FBXO11: variants seen among roughly 807,000 people sequenced by gnomAD.
FBXO11 encodes the protein F-box protein 11, also known as F-box only protein 11.
In FBXO11, 13 loss-of-function variants were observed where a neutral mutation model predicts 117.0. That is an observed-to-expected ratio of 0.11 (90% confidence interval 0.07 to 0.18). The LOEUF (loss-of-function observed/expected upper bound fraction) is 0.18, where lower values mean the gene tolerates loss of function less well. FBXO11 is among the 10% of genes least tolerant of loss of function. The pLI is 1.00. For synonymous variants in FBXO11, 490 were observed against 380.5 expected (o/e 1.29, Z -3.35); for missense variants, 767 against 1,164.4 (o/e 0.66, Z 4.97).
At chr2:47,825,135 G>A (rs1456786425) in intron 11 of FBXO11, among the ~76,000 whole-genome samples, 1 of 151,996 alleles carries the variant, frequency 6.6e-6, no homozygotes, top group African/African-American at 2.4e-5. Context: ...GGGATATTCT[G>A]AATACTCTAG....
chr2:47,864,296 G>C (rs1176546633), intron 1 of FBXO11, among the ~76,000 whole-genome samples: 2 of 152,064 alleles, frequency 1.3e-5, no homozygotes, highest in African/African-American at 4.8e-5. Context: ...CATAATTAAA[G>C]ACAGGAATTG....
In FBXO11 at chr2:47,807,787, C is replaced by G. The variant is rs940974854; in HGVS notation, c.*331G>C. ...AAAGCTGCTTGTCTATTGAAGATTA[C>G]TACTGCAAATTGGACTGCATTCAAT... On this transcript the variant is annotated 3_prime_UTR_variant, in exon 23 of 23. Coordinates refer to ENST00000403359, the MANE Select transcript of FBXO11 (RefSeq NM_001190274.2). 7 of 261,742 alleles carry G rather than the reference C, an allele frequency of 2.7e-5. No homozygotes were observed. The highest frequency in any genetic ancestry group is 5.2e-5 in the Non-Finnish European group (7 of 135,130). The allele number at this position is 261,742 out of a possible 1,614,324, so 16.2% of individuals were successfully genotyped here. A position where few individuals can be genotyped will look rare whatever the true frequency, so the allele number is the denominator to read the frequency against.
chr2:47,887,214 G>A (rs1393342916), intron 1 of FBXO11, among the ~76,000 whole-genome samples: 1 of 151,888 alleles, frequency 6.6e-6, no homozygotes, highest in Non-Finnish European at 1.5e-5. Flanking sequence ...CAGCCCAGGA[G>A]GTGGAGGTTG....
chr2:47,825,540 T>C (rs1671685022), intron 11 of FBXO11, among the ~76,000 whole-genome samples: 2 of 151,386 alleles, frequency 1.3e-5, no homozygotes, highest in Non-Finnish European at 2.9e-5. Context: ...AAGAGTTGAA[T>C]GACATGTCTG....
chr2:47,820,312 C>T (rs777811159), intron 14 of FBXO11, 50 bp downstream of exon 14: 3 of 1,432,406 alleles, frequency 2.1e-6, no homozygotes, highest in East Asian at 2.3e-5. Flanking sequence ...ACCCTTTATC[C>T]CCCTGGTTTT....
intron 1 of FBXO11, among the ~76,000 whole-genome samples, chr2:47,844,423 G>C (rs1673249636): frequency 6.6e-6 from 1 of 152,106 alleles, no homozygotes; most frequent in Non-Finnish European, 1.5e-5. Context: ...TTTTGAAAAG[G>C]CCCAAGGCCA....
intron 1 of FBXO11, among the ~76,000 whole-genome samples, chr2:47,848,671 T>C (rs754616503): frequency 3.3e-5 from 5 of 152,232 alleles, no homozygotes; most frequent in Non-Finnish European, 5.9e-5. Context: ...TCACTATTAA[T>C]AGGAACCACA....
chr2:47,898,540 G>A (rs1172234646), intron 1 of FBXO11, among the ~76,000 whole-genome samples: 1 of 152,150 alleles, frequency 6.6e-6, no homozygotes, highest in Non-Finnish European at 1.5e-5. Context: ...TAATTCAGGG[G>A]AAATCTACCC....
chr2:47,849,739 G>C (rs1673710556), intron 1 of FBXO11, among the ~76,000 whole-genome samples: 1 of 152,190 alleles, frequency 6.6e-6, no homozygotes, highest in Non-Finnish European at 1.5e-5. Flanking sequence ...AGAAATGGAT[G>C]ACAACTGAGA....
intron 1 of FBXO11, among the ~76,000 whole-genome samples, chr2:47,886,816 C>T (rs1364088461): frequency 1.3e-5 from 2 of 151,972 alleles, no homozygotes; most frequent in Admixed American, 1.3e-4. Flanking sequence ...TTTATATACA[C>T]ATGCATTTAA....
At chr2:47,843,966 C>T (rs1673212145) in intron 1 of FBXO11, among the ~76,000 whole-genome samples, 1 of 152,118 alleles carries the variant, frequency 6.6e-6, no homozygotes, top group Admixed American at 6.5e-5. Flanking sequence ...GTCTCGAACT[C>T]CTGACCTCAA....
At chr2:47,896,366 G>A (rs1409884215) in intron 1 of FBXO11, among the ~76,000 whole-genome samples, 1 of 142,152 alleles carries the variant, frequency 7.0e-6, no homozygotes, top group Non-Finnish European at 1.5e-5. Flanking sequence ...TTAAAACTCT[G>A]TCACCCAGGC....
At chr2:47,831,869 A>G (rs901210485) in intron 11 of FBXO11, among the ~76,000 whole-genome samples, 6 of 152,190 alleles carry the variant, frequency 3.9e-5, no homozygotes, top group Admixed American at 3.9e-4. Context: ...TGCCAGTTTA[A>G]AATTTTCAAG....
At chr2:47,827,234 T>C (rs906231530) in intron 11 of FBXO11, among the ~76,000 whole-genome samples, 6 of 152,364 alleles carry the variant, frequency 3.9e-5, no homozygotes, top group East Asian at 1.9e-4. Context: ...GATTGACTTA[T>C]AGTTTTATAA....
At chr2:47,830,322 G>A (rs1177272276) in intron 11 of FBXO11, among the ~76,000 whole-genome samples, 2 of 152,078 alleles carry the variant, frequency 1.3e-5, no homozygotes, top group African/African-American at 4.8e-5. Context: ...AAAAGGCAAT[G>A]GATAGGGATT....
At chr2:47,824,506 G>A (rs1214686424) in intron 11 of FBXO11, among the ~76,000 whole-genome samples, 2 of 152,000 alleles carry the variant, frequency 1.3e-5, no homozygotes, top group African/African-American at 4.8e-5. Context: ...GTTGACCAAA[G>A]AACACAATCA....
At chr2:47,901,474 G>T (rs1005539920) in intron 1 of FBXO11, among the ~76,000 whole-genome samples, 2 of 152,010 alleles carry the variant, frequency 1.3e-5, no homozygotes, top group African/African-American at 4.8e-5. Flanking sequence ...GGTAATAAAT[G>T]AGAAACTAAT....
At chr2:47,851,601 G>C (rs1413306910) in intron 1 of FBXO11, among the ~76,000 whole-genome samples, 1 of 152,162 alleles carries the variant, frequency 6.6e-6, no homozygotes, top group Non-Finnish European at 1.5e-5. Flanking sequence ...TAGTAGGGGA[G>C]TGAGATATGT....
intron 21 of FBXO11, 62 bp downstream of exon 21, chr2:47,809,096 T>G (rs1307979736): frequency 9.4e-7 from 1 of 1,066,512 alleles, no homozygotes; most frequent in Non-Finnish European, 1.4e-6. Flanking sequence ...TGCTAGGCAT[T>G]GCTAATTTAA....
Sources: gnomAD v4.1 joint callset for allele counts (sites outside exome capture counted in the v4.1 genomes callset) on GRCh38, gnomAD v4.1.1 for gene constraint, MANE v1.5 for transcripts, NCBI Gene and HGNC (gene_info 2026-07-23, HGNC 2026-07-21) for gene names.